PLCG2: variants seen among roughly 807,000 people sequenced by gnomAD.
PLCG2 encodes the protein phospholipase C gamma 2.
In PLCG2, 69 loss-of-function variants were observed where a neutral mutation model predicts 175.6. The ratio of observed to expected loss-of-function variants is 0.39; its 90% CI spans 0.32 to 0.48. The LOEUF (loss-of-function observed/expected upper bound fraction) is 0.48, where lower values mean the gene tolerates loss of function less well. Ranked by LOEUF, PLCG2 falls within the 20% of genes least tolerant of loss-of-function variation. The pLI is 0.91. For missense variants in PLCG2, 1,798 were observed against 1,650.9 expected, an observed-to-expected ratio of 1.09 and a Z score of -1.54; for synonymous variants, 827 against 624.0, an observed-to-expected ratio of 1.33 and a Z score of -4.85.
intron 2 of PLCG2, among the ~76,000 whole-genome samples, chr16:81,824,173 A>T (rs948276614): frequency 1.5e-5 from 2 of 135,530 alleles, no homozygotes; most frequent in African/African-American, 5.7e-5. Context: ...CACTCTTGTC[A>T]CCCAGGCTGG....
intron 2 of PLCG2, among the ~76,000 whole-genome samples, chr16:81,826,343 G>A (rs1458340533): frequency 6.6e-6 from 1 of 152,192 alleles, no homozygotes; most frequent in Non-Finnish European, 1.5e-5. Context: ...AGTATGATCT[G>A]TGTCCTCACC....
intron 2 of PLCG2, among the ~76,000 whole-genome samples, chr16:81,796,141 C>A (rs891558981): frequency 5.3e-5 from 8 of 152,304 alleles, no homozygotes; most frequent in East Asian, 1.9e-4. Flanking sequence ...AAGTGGTGAG[C>A]CACTGGCACT....
At chr16:81,824,046 T>TTCCTTTCCTTTCCTG (rs1904933202) in intron 2 of PLCG2, among the ~76,000 whole-genome samples, 1 of 108,706 alleles carries the variant, frequency 9.2e-6, no homozygotes, top group Non-Finnish European at 1.7e-5. Context: ...TTCCTTTCCT[T>TTCCTTTCCTTTCCTG]TCCTGTCCTG....
intron 19 of PLCG2, among the ~76,000 whole-genome samples, chr16:81,914,956 C>T (rs1197364457): frequency 6.6e-6 from 1 of 152,190 alleles, no homozygotes; most frequent in Non-Finnish European, 1.5e-5. Context: ...TCTCTACCCA[C>T]TGCATGTCTG....
intron 22 of PLCG2, among the ~76,000 whole-genome samples, chr16:81,923,872 G>T (rs114049140): frequency 0.014 from 2,124 of 152,268 alleles, 56 homozygotes; most frequent in African/African-American, 0.049. Context: ...CTTTCTAAGT[G>T]GCAAGCAGTC....
intron 2 of PLCG2, among the ~76,000 whole-genome samples, chr16:81,763,156 A>T (rs997673041): frequency 7.2e-5 from 11 of 152,236 alleles, no homozygotes; most frequent in African/African-American, 2.7e-4. Context: ...AAGAGGCCTT[A>T]CAGAAGGCAA....
chr16:81,799,610 T>C lies in PLCG2; in HGVS notation c.193+13428T>C, dbSNP rs573602488. ...TGGCCTGTTATTAATTTTTTTTTTT[T>C]TTTTTTGAGACAGAGTCTCGCTCTA... On this transcript the variant is annotated intron_variant, in intron 2 of 32. Transcript: ENST00000564138. Among the ~76,000 whole-genome samples the C allele has an allele frequency of 3.1e-4, 47 of 149,996 alleles. No homozygotes were observed. The East Asian group carries it at 4.6e-3, about 15-fold the overall frequency.
chr16:81,937,928 C>G (rs1910783241), intron 28 of PLCG2, 25 bp downstream of exon 28: 1 of 1,611,844 alleles, frequency 6.2e-7, no homozygotes, highest in Non-Finnish European at 8.5e-7. Flanking sequence ...CCCTTCCTGC[C>G]AGGGGAGCCA....
intron 2 of PLCG2, among the ~76,000 whole-genome samples, chr16:81,761,734 A>G (rs979511533): frequency 3.3e-5 from 5 of 151,986 alleles, no homozygotes; most frequent in African/African-American, 1.2e-4. Flanking sequence ...CATTTTTCCA[A>G]TCTTTTATTA....
intron 31 of PLCG2, among the ~76,000 whole-genome samples, chr16:81,953,858 G>A (rs1911462622): frequency 6.6e-6 from 1 of 152,120 alleles, no homozygotes; most frequent in Non-Finnish European, 1.5e-5. Context: ...GTGATAAAGG[G>A]TTGCAGTTAT....
intron 2 of PLCG2, among the ~76,000 whole-genome samples, chr16:81,797,681 A>G (rs1298151293): frequency 1.3e-5 from 2 of 152,214 alleles, no homozygotes; most frequent in Non-Finnish European, 2.9e-5. Context: ...CTTCCTAACC[A>G]TGGCAGCAGT....
At position 81,823,782 on chromosome 16, in the gene PLCG2, G is replaced by A. The variant is rs188162902; in HGVS notation, c.194-30662G>A. Among the ~76,000 whole-genome samples, 8 of 151,368 alleles carry A rather than the reference G, an allele frequency of 5.3e-5. No individual in the cohort carries two copies. In the East Asian group the frequency reaches 5.8e-4, roughly 11 times the overall value. On this transcript the variant is annotated intron_variant, in intron 2 of 32. Coordinates refer to ENST00000564138, the MANE Select transcript of PLCG2 (RefSeq NM_002661.5). ...TGGCCTCAAGCAATCCCCTGACCTC[G>A]GTGTCCCAAAGTGCTGGGATTCCAG...
intron 7 of PLCG2, among the ~76,000 whole-genome samples, chr16:81,877,085 C>A (rs557767270): frequency 6.6e-6 from 1 of 152,306 alleles, no homozygotes; most frequent in African/African-American, 2.4e-5. Context: ...GAGACTGTCA[C>A]CGTCTTGCCC....
At chr16:81,933,032 G>A (rs1359132567) in intron 25 of PLCG2, among the ~76,000 whole-genome samples, 1 of 152,166 alleles carries the variant, frequency 6.6e-6, no homozygotes, top group East Asian at 1.9e-4. Flanking sequence ...TGCTTAATGT[G>A]GAAAAGTGTT....
Position 81,924,869 on chromosome 16 carries a change from G to A in PLCG2, c.2417+1275G>A, listed in dbSNP as rs945735076. On this transcript the variant is annotated intron_variant, in intron 22 of 32. Coordinates refer to ENST00000564138, the MANE Select transcript of PLCG2 (RefSeq NM_002661.5). ...CAGTTGGGCAACCACAGTGTTGTCC[G>A]TCTGCTTCTCCCAGTTCAGAGGCTC... is the stretch of plus-strand genomic sequence containing the variant. Among the ~76,000 whole-genome samples, 15 of 152,336 alleles carry A rather than the reference G, an allele frequency of 9.8e-5. 1 individual carries two copies. Among genetic ancestry groups the A allele is most frequent in the African/African-American group, 2.9e-4 (12 of 41,574 alleles).
At position 81,805,772 on chromosome 16, in the gene PLCG2, TTTTTTTTTTTG is replaced by T. The variant is rs1225360662; in HGVS notation, c.193+19601_193+19611del. 8.2e-4 allele frequency among the ~76,000 whole-genome samples: 50 copies of T among 60,752 alleles called. 1 individual carries two copies. Among genetic ancestry groups the T allele is most frequent in the African/African-American group, 2.5e-3 (42 of 16,840 alleles). 39.9% of individuals were successfully genotyped at this position (60,752 alleles called of 152,430 possible). On this transcript the variant is annotated intron_variant, in intron 2 of 32. Transcript: ENST00000564138. ...TGAGAGTAGTGTTTTGTTTTGTTTTTTTTTTTTTTTGTTTTTTTTTTTTTTTGCTGTTATTG... is the reference window on the plus strand; with the variant it reads ...TGAGAGTAGTGTTTTGTTTTGTTTTTTTTTTTTTTTTTTTTGCTGTTATTG...
intron 1 of PLCG2, chr16:81,783,164 A>G (rs1910817096): frequency 2.1e-6 from 1 of 487,136 alleles, no homozygotes; most frequent in Non-Finnish European, 4.1e-6. Context: ...TGTGTTTCCT[A>G]CTTATGTTCC....
chr16:81,885,834 A>C (rs1198404148), intron 9 of PLCG2, among the ~76,000 whole-genome samples: 1 of 152,200 alleles, frequency 6.6e-6, no homozygotes, highest in African/African-American at 2.4e-5. Context: ...TAAATGGTGA[A>C]TGAGGATGTT....
intron 2 of PLCG2, among the ~76,000 whole-genome samples, chr16:81,805,295 C>T (rs187797955): frequency 1.6e-3 from 248 of 152,114 alleles, no homozygotes; most frequent in South Asian, 0.013. Context: ...GTCAGGAGAT[C>T]GAGACCATCC....
Sources: gnomAD v4.1 joint callset for allele counts (sites outside exome capture counted in the v4.1 genomes callset) on GRCh38, gnomAD v4.1.1 for gene constraint, MANE v1.5 for transcripts, NCBI Gene and HGNC (gene_info 2026-07-23, HGNC 2026-07-21) for gene names.